Variants in LOC400499 observed in about 807,000 individuals in gnomAD.
At chr16:11,385,043 G>A in the LOC400499 span, 1 of 1,232,212 alleles carries the variant, frequency 8.1e-7, no homozygotes, top group Non-Finnish European at 1.0e-6. Context: ...CCCCGGCAGG[G>A]AGGAGTTGTA....
the LOC400499 span, among the ~76,000 whole-genome samples, chr16:11,517,806 G>GC: frequency 6.6e-6 from 1 of 152,182 alleles, no homozygotes; most frequent in Admixed American, 6.5e-5. Flanking sequence ...TGGGAAGTGA[G>GC]GGGTGATGGA....
At chr16:11,525,796 G>A in the LOC400499 span, among the ~76,000 whole-genome samples, 60 of 152,126 alleles carry the variant, frequency 3.9e-4, no homozygotes, top group Non-Finnish European at 7.6e-4. Flanking sequence ...TTTCCTGAAC[G>A]CTTGAACACA....
chr16:11,439,566 T>C, the LOC400499 span: 6 of 399,044 alleles, frequency 1.5e-5, no homozygotes, highest in African/African-American at 1.2e-4. Flanking sequence ...TCAGATCCGT[T>C]CAGCTGGACC....
the LOC400499 span, among the ~76,000 whole-genome samples, chr16:11,374,703 G>C: frequency 6.6e-6 from 1 of 152,178 alleles, no homozygotes; most frequent in Non-Finnish European, 1.5e-5. Context: ...TGTATGGAGA[G>C]ACCACATTTA....
the LOC400499 span, chr16:11,383,670 G>A: frequency 6.3e-5 from 78 of 1,232,210 alleles, no homozygotes; most frequent in African/African-American, 6.2e-5. Flanking sequence ...CCAGGGGTAC[G>A]AATCCACGGG....
At chr16:11,409,455 A>G in the LOC400499 span, among the ~76,000 whole-genome samples, 1 of 152,136 alleles carries the variant, frequency 6.6e-6, no homozygotes, top group East Asian at 1.9e-4. Flanking sequence ...CTTTTGTGTT[A>G]CAGTGACAAT....
At chr16:11,464,576 C>T in the LOC400499 span, among the ~76,000 whole-genome samples, 249 of 152,288 alleles carry the variant, frequency 1.6e-3, no homozygotes, top group African/African-American at 5.8e-3. Flanking sequence ...AGCTTTGAGA[C>T]AAGTTGAACA....
chr16:11,392,968 C>A, the LOC400499 span, among the ~76,000 whole-genome samples: 1 of 152,226 alleles, frequency 6.6e-6, no homozygotes, highest in Non-Finnish European at 1.5e-5. Flanking sequence ...ATTCTCCTGC[C>A]TCAGCCTCCT....
chr16:11,372,713 A>G, the LOC400499 span: 9 of 979,630 alleles, frequency 9.2e-6, no homozygotes, highest in Non-Finnish European at 1.1e-5. Context: ...CTGGCAGCCT[A>G]GTGCTGGCAT....
the LOC400499 span, among the ~76,000 whole-genome samples, chr16:11,385,588 G>A: frequency 4.6e-5 from 7 of 152,214 alleles, no homozygotes; most frequent in South Asian, 2.1e-4. Flanking sequence ...ATCCCCCACC[G>A]GCTTCAAGAT....
chr16:11,447,585 G>C, the LOC400499 span, among the ~76,000 whole-genome samples: 1 of 152,090 alleles, frequency 6.6e-6, no homozygotes. Flanking sequence ...TGCATAGCCC[G>C]CAGTCCAAGA....
chr16:11,431,039 C>T, the LOC400499 span: 1 of 399,122 alleles, frequency 2.5e-6, no homozygotes, highest in Non-Finnish European at 4.4e-6. Context: ...CCCTCACCCT[C>T]TTGAAGTGTC....
chr16:11,377,332 GC>G, the LOC400499 span, among the ~76,000 whole-genome samples: 13 of 152,176 alleles, frequency 8.5e-5, no homozygotes, highest in African/African-American at 3.1e-4. Flanking sequence ...CAATTTGGAT[GC>G]CTTTTCTTTC....
the LOC400499 span, among the ~76,000 whole-genome samples, chr16:11,489,504 G>A: frequency 6.6e-5 from 2 of 30,124 alleles, no homozygotes; most frequent in Admixed American, 4.4e-4. Context: ...TGAATCCAAC[G>A]GGAATATTAG....
the LOC400499 span, among the ~76,000 whole-genome samples, chr16:11,493,412 G>C: frequency 6.6e-6 from 1 of 152,160 alleles, no homozygotes; most frequent in African/African-American, 2.4e-5. Context: ...CTGTACTAGA[G>C]GGGGCACAGA....
the LOC400499 span, chr16:11,383,818 C>A: frequency 4.1e-6 from 5 of 1,232,218 alleles, no homozygotes; most frequent in African/African-American, 4.7e-5. Context: ...TGTCCACACC[C>A]TGAGGAGGGA....
the LOC400499 span, among the ~76,000 whole-genome samples, chr16:11,444,228 T>C: frequency 1.3e-5 from 2 of 151,996 alleles, no homozygotes; most frequent in African/African-American, 4.8e-5. Flanking sequence ...GAGACCTCCA[T>C]CTCTACAAAA....
At chr16:11,455,957 A>G in the LOC400499 span, among the ~76,000 whole-genome samples, 1 of 152,114 alleles carries the variant, frequency 6.6e-6, no homozygotes, top group Non-Finnish European at 1.5e-5. Flanking sequence ...ACAATGAGCA[A>G]CTCACAGCCG....
chr16:11,505,090 C>A, the LOC400499 span, among the ~76,000 whole-genome samples: 1 of 151,940 alleles, frequency 6.6e-6, no homozygotes, highest in African/African-American at 2.4e-5. Flanking sequence ...GACACTTGAA[C>A]CCAGGGCACC....
Sources: allele counts gnomAD v4.1 joint callset (sites outside exome capture counted in the v4.1 genomes callset), GRCh38; gene constraint gnomAD v4.1.1; transcripts MANE v1.5.